The following MORC1 variants were observed in gnomAD, a reference collection of about 807,000 sequenced individuals.
The protein encoded by MORC1 is MORC family CW-type zinc finger protein 1.
MORC1 carries 59 observed loss-of-function variants against 134.9 expected under a neutral mutation model. The ratio of observed to expected loss-of-function variants is 0.44; its 90% CI spans 0.35 to 0.54. The LOEUF is 0.54. Among genes scored for constraint, MORC1 ranks in the 20% least tolerant of loss-of-function variants. MORC1 has a pLI of 0.00. For synonymous variants in MORC1, 395 were observed against 391.7 expected (o/e 1.01, Z -0.10); for missense variants, 947 against 1,134.5 (o/e 0.83, Z 2.37).
At chr3:109,058,453 A>G (rs776655858) in intron 12 of MORC1, among the ~76,000 whole-genome samples, 1 of 152,104 alleles carries the variant, frequency 6.6e-6, no homozygotes, top group African/African-American at 2.4e-5. Context: ...CTCTCTCCAC[A>G]AACTTGGCCT....
At chr3:109,107,859 C>T (rs1951072039) in intron 3 of MORC1, among the ~76,000 whole-genome samples, 1 of 152,106 alleles carries the variant, frequency 6.6e-6, no homozygotes, top group Non-Finnish European at 1.5e-5. Flanking sequence ...CTAAACTGAA[C>T]TATAAGTTCA....
intron 8 of MORC1, among the ~76,000 whole-genome samples, chr3:109,077,490 A>C (rs1370416941): frequency 6.6e-6 from 1 of 152,090 alleles, no homozygotes; most frequent in East Asian, 1.9e-4. Context: ...ATACTAATTA[A>C]CTCTACAGTT....
chr3:109,086,464 T>A (rs1467651079), intron 8 of MORC1, among the ~76,000 whole-genome samples: 2 of 152,008 alleles, frequency 1.3e-5, no homozygotes, highest in Non-Finnish European at 1.5e-5. Flanking sequence ...TTTGTAGAGA[T>A]GCATTGGTGG....
chr3:108,988,227 G>A (rs1306578913), intron 21 of MORC1, among the ~76,000 whole-genome samples: 1 of 152,070 alleles, frequency 6.6e-6, no homozygotes, highest in Non-Finnish European at 1.5e-5. Context: ...CAAAATAACT[G>A]TGTAGCTGCC....
rs371563711 is a variant in MORC1 at position 108,997,499 on chromosome 3, C to A, written c.2187+3058G>T. ...CTCCAGCCTGGGTGACACAGGGAGA[C>A]TCTGTCTCAAAAAAATTTAAAAGGT... On this transcript the variant is annotated intron_variant, in intron 21 of 27. Transcript: ENST00000232603. 1.6e-4 allele frequency among the ~76,000 whole-genome samples: 25 copies of A among 152,160 alleles called. No individual in the cohort carries two copies. In the East Asian group the frequency reaches 4.1e-3, roughly 25 times the overall value.
At chr3:108,971,855 A>T (rs1423696466) in intron 24 of MORC1, among the ~76,000 whole-genome samples, 2 of 151,858 alleles carry the variant, frequency 1.3e-5, no homozygotes, top group Non-Finnish European at 2.9e-5. Flanking sequence ...GGCAGGGAGG[A>T]GAAAAAAAAA....
chr3:109,058,237 G>T (rs1290118526), intron 12 of MORC1, among the ~76,000 whole-genome samples: 1 of 152,154 alleles, frequency 6.6e-6, no homozygotes, highest in African/African-American at 2.4e-5. Context: ...ATAACCATGT[G>T]ACCATGGATG....
intron 4 of MORC1, 34 bp from the exon 5 acceptor site, chr3:109,100,541 A>G: frequency 6.5e-7 from 1 of 1,541,486 alleles, no homozygotes; most frequent in Non-Finnish European, 9.0e-7. Flanking sequence ...GGTGGTTAGG[A>G]AGACTCTTTG....
chr3:109,040,435 A>AAGGAAGGAAGGAAG (rs1949498042), intron 14 of MORC1, among the ~76,000 whole-genome samples: 1 of 35,006 alleles, frequency 2.9e-5, no homozygotes. Context: ...AAGGAAAGAA[A>AAGGAAGGAAGGAAG]GAAAGAAAGA....
intron 16 of MORC1, among the ~76,000 whole-genome samples, chr3:109,029,868 T>C (rs1446767446): frequency 6.6e-6 from 1 of 152,154 alleles, no homozygotes; most frequent in Non-Finnish European, 1.5e-5. Context: ...GAGTACAGGT[T>C]TTGCATCAGA....
chr3:109,090,452 T>A (rs1228706251), intron 8 of MORC1, among the ~76,000 whole-genome samples: 1 of 151,840 alleles, frequency 6.6e-6, no homozygotes. Context: ...ACCCCATCTC[T>A]ACTAAAAATA....
intron 14 of MORC1, among the ~76,000 whole-genome samples, chr3:109,050,308 T>TAA (rs1949791512): frequency 6.6e-6 from 1 of 152,224 alleles, no homozygotes; most frequent in African/African-American, 2.4e-5. Context: ...AACACATTTA[T>TAA]TTCTCACAGT....
intron 24 of MORC1, among the ~76,000 whole-genome samples, chr3:108,979,161 A>G (rs907316265): frequency 6.6e-6 from 1 of 152,198 alleles, no homozygotes; most frequent in African/African-American, 2.4e-5. Flanking sequence ...TTCAGTATCC[A>G]AGACTAAAAC....
intron 21 of MORC1, among the ~76,000 whole-genome samples, chr3:108,997,475 T>C (rs1948265889): frequency 6.6e-6 from 1 of 152,076 alleles, no homozygotes; most frequent in Admixed American, 6.5e-5. Flanking sequence ...GCCACTGCAC[T>C]CCAGCCTGGG....
At chr3:109,027,917 C>T (rs773099418) in intron 16 of MORC1, 28 bp from the exon 17 acceptor site, 3 of 1,606,438 alleles carry the variant, frequency 1.9e-6, no homozygotes, top group East Asian at 2.2e-5. Context: ...ACAAGATTAA[C>T]ATCAGGAGAA....
rs765293748 is a variant in MORC1, at chr3:108,963,520, T to A, written c.2693A>T (p.His898Leu). 6.2e-7 allele frequency: 1 copy of A among 1,608,506 alleles called. No individual in the cohort carries two copies. The highest frequency in any genetic ancestry group is 1.3e-5 in the African/African-American group (1 of 74,814). The change falls in exon 27 of 28, where the codon CAT becomes CTT. Residue 898 changes from histidine (H) to leucine (L), a missense_variant. Around this residue, in one of 3 missense-constraint regions of MORC1, gnomAD observed 722 missense variants for 817.0 expected, o/e 0.88. Transcript: ENST00000232603. ...IIYDSNTRGI[H>L]NEISLGQCEN... ...ACATTGCCCCAGAGAGATTTCATTA[T>A]GTATTCCTCTTGTATTTGAATCATA...
At chr3:109,075,710 T>A (rs1248423183) in intron 8 of MORC1, among the ~76,000 whole-genome samples, 1 of 152,182 alleles carries the variant, frequency 6.6e-6, no homozygotes, top group Non-Finnish European at 1.5e-5. Context: ...AGCCTTGTAG[T>A]ATAGTTTGAA....
chr3:109,090,140 T>C (rs6801757), intron 8 of MORC1, among the ~76,000 whole-genome samples: 29,991 of 151,882 alleles, frequency 0.2, 3,420 homozygotes, highest in Middle Eastern at 0.33. Flanking sequence ...TGGAAACAGG[T>C]CACCTTTAAA....
chr3:109,080,607 C>T (rs949858856), intron 8 of MORC1, among the ~76,000 whole-genome samples: 2 of 152,100 alleles, frequency 1.3e-5, no homozygotes, highest in Admixed American at 6.5e-5. Flanking sequence ...TAAGAACCAA[C>T]GTATAAGTGT....
Sources: allele counts gnomAD v4.1 joint callset (sites outside exome capture counted in the v4.1 genomes callset), GRCh38; gene constraint gnomAD v4.1.1; regional missense constraint gnomAD v4.1.1; transcripts MANE v1.5; gene names NCBI Gene and HGNC (gene_info 2026-07-23, HGNC 2026-07-21).